The following KCNQ1OT1 variants were observed in gnomAD, a reference collection of about 807,000 sequenced individuals.
KCNQ1OT1 encodes the protein KCNQ1 opposite strand/antisense transcript 1.
Position 2,623,988 on chromosome 11 carries a change from T to C in KCNQ1OT1, n.76007A>G, listed in dbSNP as rs576923213. The C allele has an allele frequency of 3.1e-4, 125 of 398,866 alleles. 1 individual carries two copies. The South Asian group carries it at 5.0e-3, about 16-fold the overall frequency. 24.7% of individuals were successfully genotyped at this position (398,866 alleles called of 1,614,324 possible). ...AGGGCTGCACCACTTTACATTCCCA[T>C]TAATGGTATATGTCAAAGTGGCTGT... On this transcript the variant is annotated non_coding_transcript_exon_variant, in exon 1 of 1. Transcript: ENST00000597346. This position sits in a 1 kb window ranked among gnomAD's most constrained non-coding sequence, Gnocchi z 5.2.
chr11:2,617,123 C>T lies in KCNQ1OT1; in HGVS notation n.82872G>A, dbSNP rs1281042797. On this transcript the variant is annotated non_coding_transcript_exon_variant, in exon 1 of 1. Transcript: ENST00000597346. The surrounding 1 kb of genome is among the most constrained non-coding windows in gnomAD (Gnocchi z 4.6). ...TGATCTACTCAATTGGCAAAAATTC[C>T]AAATGCAATATACTAACTATTCTCA... is the stretch of plus-strand genomic sequence containing the variant. The T allele has an allele frequency of 2.5e-6, 1 of 398,022 alleles. No homozygotes were observed. Among genetic ancestry groups the T allele is most frequent in the Admixed American group, 4.4e-5 (1 of 22,678 alleles). The allele number at this position is 398,022 out of a possible 1,614,324, so 24.7% of individuals were successfully genotyped here.
chr11:2,618,800 C>G (rs1849115260), exon 1 of KCNQ1OT1: 1 of 398,148 alleles, frequency 2.5e-6, no homozygotes, highest in African/African-American at 2.1e-5. Context: ...CAATATTATT[C>G]AGATTCATGA....
chr11:2,634,381 A>G (rs1334441700), exon 1 of KCNQ1OT1: 2 of 197,176 alleles, frequency 1.0e-5, no homozygotes, highest in Non-Finnish European at 1.8e-5. Context: ...TCCTACGTCC[A>G]AGTGTTCTCA....
rs559329625 is a variant in KCNQ1OT1, at chr11:2,675,824, A to C, written n.24171T>G. On this transcript the variant is annotated non_coding_transcript_exon_variant, in exon 1 of 1. Transcript: ENST00000597346. The stretch of plus-strand genomic sequence containing the variant: ...CAGCCACGTGCATGCAGGGCTGCAC[A>C]CTGCCCTACCGTGCATCCACTGCCT... The C allele has an allele frequency of 1.8e-5, 7 of 398,674 alleles. No homozygotes were observed. The Admixed American group carries it at 3.1e-4, about 18-fold the overall frequency. 24.7% of individuals were successfully genotyped at this position (398,674 alleles called of 1,614,324 possible).
In KCNQ1OT1 at chr11:2,669,140, C is replaced by A. The variant is rs1332323894; in HGVS notation, n.30855G>T. On this transcript the variant is annotated non_coding_transcript_exon_variant, in exon 1 of 1. Coordinates refer to ENST00000597346, the Ensembl canonical transcript of KCNQ1OT1. The surrounding 1 kb of genome is among the most constrained non-coding windows in gnomAD (Gnocchi z 5.6). The stretch of plus-strand genomic sequence containing the variant: ...CTCTGTTTCTGGACCCTATTGGGTG[C>A]CACTGGTCAGATTCAAGTTGTTCTT... The A allele has an allele frequency of 2.5e-6, 1 of 398,586 alleles. No homozygotes were observed. Among genetic ancestry groups the A allele is most frequent in the East Asian group, 3.6e-5 (1 of 28,088 alleles). 24.7% of individuals were successfully genotyped at this position (398,586 alleles called of 1,614,324 possible). A position where few individuals can be genotyped will look rare whatever the true frequency, so the allele number is the denominator to read the frequency against.
At chr11:2,680,548 A>G (rs561512001) in exon 1 of KCNQ1OT1, 13 of 398,566 alleles carry the variant, frequency 3.3e-5, no homozygotes, top group African/African-American at 2.7e-4. Flanking sequence ...CAGTTCTAAG[A>G]AACAACACAG....
At chr11:2,618,713 T>G (rs897514983) in exon 1 of KCNQ1OT1, 1 of 398,426 alleles carries the variant, frequency 2.5e-6, no homozygotes, top group African/African-American at 2.1e-5. Flanking sequence ...CTTTAGAATT[T>G]AAAAAAATTT....
chr11:2,682,691 C>A lies in KCNQ1OT1; in HGVS notation n.17304G>T. 1 of 398,582 alleles carries A rather than the reference C, an allele frequency of 2.5e-6. No homozygotes were observed. The allele number at this position is 398,582 out of a possible 1,614,324, so 24.7% of individuals were successfully genotyped here. On this transcript the variant is annotated non_coding_transcript_exon_variant, in exon 1 of 1. Coordinates refer to ENST00000597346, the Ensembl canonical transcript of KCNQ1OT1. The surrounding 1 kb of genome is among the most constrained non-coding windows in gnomAD (Gnocchi z 5.8). ...GCTATTGTCCATAGAAGCTGGGGTC[C>A]AAAGTTGACCAGAATATCTCTAGTC...
In KCNQ1OT1 at chr11:2,612,469, T is replaced by C; in HGVS notation, n.87526A>G. On this transcript the variant is annotated non_coding_transcript_exon_variant, in exon 1 of 1. Transcript: ENST00000597346. This position sits in a 1 kb window ranked among gnomAD's most constrained non-coding sequence, Gnocchi z 5.5. ...TTTCTATTCTTCAGTCTGAATCATC[T>C]TTATGGATCTGCGTTGAAGTTCATT... 1 of 398,658 alleles carries C rather than the reference T, an allele frequency of 2.5e-6. No individual in the cohort carries two copies. Among genetic ancestry groups the C allele is most frequent in the East Asian group, 3.6e-5 (1 of 28,076 alleles). 24.7% of individuals were successfully genotyped at this position (398,658 alleles called of 1,614,324 possible).
chr11:2,626,656 G>A lies in KCNQ1OT1; in HGVS notation n.73339C>T. The A allele has an allele frequency of 2.5e-6, 1 of 398,514 alleles. No homozygotes were observed. Among genetic ancestry groups the A allele is most frequent in the South Asian group, 1.3e-4 (1 of 7,840 alleles). The allele number at this position is 398,514 out of a possible 1,614,324, so 24.7% of individuals were successfully genotyped here. On this transcript the variant is annotated non_coding_transcript_exon_variant, in exon 1 of 1. Transcript: ENST00000597346. The surrounding 1 kb of genome is among the most constrained non-coding windows in gnomAD (Gnocchi z 4.0). Reference sequence around the variant, plus strand: ...CAATCCTCCCACCTCGGCTTCTTGAGTAGCTGGGAATAGAAGTGTGTACCA... The same window carrying A: ...CAATCCTCCCACCTCGGCTTCTTGAATAGCTGGGAATAGAAGTGTGTACCA...
exon 1 of KCNQ1OT1, chr11:2,628,107 A>C: frequency 2.5e-6 from 1 of 398,628 alleles, no homozygotes. Context: ...ATGGGAGTGC[A>C]GATACCTCTT....
chr11:2,610,856 A>G lies in KCNQ1OT1; in HGVS notation n.89139T>C, dbSNP rs1589980456. ...GACACCAGAACAGGGGAGGGTATTA[A>G]GCAGAGTGCCACATAGCCTCACCTC... is the stretch of plus-strand genomic sequence containing the variant. On this transcript the variant is annotated non_coding_transcript_exon_variant, in exon 1 of 1. Coordinates refer to ENST00000597346, the Ensembl canonical transcript of KCNQ1OT1. The G allele has an allele frequency of 1.0e-4, 40 of 397,910 alleles. No homozygotes were observed. The East Asian group carries it at 1.4e-3, about 14-fold the overall frequency. The allele number at this position is 397,910 out of a possible 1,614,324, so 24.6% of individuals were successfully genotyped here.
In KCNQ1OT1 at chr11:2,679,247, C is replaced by G. The variant is rs186128246; in HGVS notation, n.20748G>C. 285 of 398,600 alleles carry G rather than the reference C, an allele frequency of 7.2e-4. 2 individuals carry two copies. In the East Asian group the frequency reaches 0.01, roughly 14 times the overall value. The allele number at this position is 398,600 out of a possible 1,614,324, so 24.7% of individuals were successfully genotyped here. On this transcript the variant is annotated non_coding_transcript_exon_variant, in exon 1 of 1. Coordinates refer to ENST00000597346, the Ensembl canonical transcript of KCNQ1OT1. The surrounding 1 kb of genome is among the most constrained non-coding windows in gnomAD (Gnocchi z 4.8). ...GTCCAGAGGACTACAGCTGCCTGTC[C>G]CACCCTTGGCTGTGCTCTCCTTTAC...
exon 1 of KCNQ1OT1, chr11:2,629,783 C>A: frequency 2.5e-6 from 1 of 398,350 alleles, no homozygotes; most frequent in Non-Finnish European, 4.4e-6. Flanking sequence ...TGTATCCTGC[C>A]ACTTTACTGA....
At chr11:2,660,928 G>C (rs539390141) in exon 1 of KCNQ1OT1, 1 of 398,658 alleles carries the variant, frequency 2.5e-6, no homozygotes, top group Admixed American at 4.4e-5. Context: ...GAGCCTGAAT[G>C]TCCATGATAT....
chr11:2,640,938 G>A, exon 1 of KCNQ1OT1: 1 of 399,030 alleles, frequency 2.5e-6, no homozygotes, highest in Non-Finnish European at 4.4e-6. Context: ...TTATCTTTCT[G>A]TGCCTGGCTT....
exon 1 of KCNQ1OT1, chr11:2,681,703 T>C: frequency 4.3e-6 from 1 of 232,290 alleles, no homozygotes; most frequent in Non-Finnish European, 8.2e-6. Flanking sequence ...TTGCTTCCCA[T>C]GTGTCTGTTC....
exon 1 of KCNQ1OT1, chr11:2,650,215 A>G (rs1849735875): frequency 7.5e-6 from 3 of 398,112 alleles, no homozygotes; most frequent in East Asian, 7.1e-5. Flanking sequence ...TGTATTGTCT[A>G]TTTGTGTTCT....
exon 1 of KCNQ1OT1, chr11:2,628,470 T>G (rs1235933873): frequency 2.5e-6 from 1 of 398,358 alleles, no homozygotes; most frequent in Non-Finnish European, 4.4e-6. Flanking sequence ...CTTGTCCATC[T>G]TAACAGGTTA....
Sources: gnomAD v4.1 joint callset for allele counts on GRCh38, gnomAD v4.1.1 for gene constraint, Gnocchi (gnomAD v3.1) non-coding constraint, MANE v1.5 for transcripts, NCBI Gene and HGNC (gene_info 2026-07-23, HGNC 2026-07-21) for gene names.